The following GRID2 variants were observed in gnomAD, a reference collection of about 807,000 sequenced individuals.
GRID2 encodes glutamate ionotropic receptor delta type subunit 2.
In GRID2, 33 loss-of-function variants were observed where a neutral mutation model predicts 114.8. The observed-to-expected ratio is 0.29, with a 90% CI of 0.22 to 0.38. The LOEUF (loss-of-function observed/expected upper bound fraction) is 0.38. Among genes scored for constraint, GRID2 ranks in the 10% least tolerant of loss-of-function variants. The pLI, the probability that GRID2 is intolerant of heterozygous loss-of-function variation, is 1.00. For missense variants in GRID2, 1,184 were observed against 1,257.7 expected (o/e 0.94, Z 0.89); for synonymous variants, 505 against 449.9 (o/e 1.12, Z -1.55).
intron 14 of GRID2, among the ~76,000 whole-genome samples, chr4:93,690,808 A>G (rs971944968): frequency 2.6e-5 from 4 of 151,380 alleles, no homozygotes; most frequent in African/African-American, 9.7e-5. Context: ...TAATCATTCC[A>G]ATATAATGAA....
intron 2 of GRID2, among the ~76,000 whole-genome samples, chr4:92,893,174 T>C (rs180757320): frequency 6.6e-6 from 1 of 152,304 alleles, no homozygotes; most frequent in African/African-American, 2.4e-5. Context: ...ATTTTTTTTC[T>C]GAGTATAGTG....
intron 11 of GRID2, among the ~76,000 whole-genome samples, chr4:93,481,029 A>T (rs1161881149): frequency 6.6e-6 from 1 of 152,098 alleles, no homozygotes; most frequent in Non-Finnish European, 1.5e-5. Flanking sequence ...AAGTCAGCAC[A>T]TTAAATCCCA....
intron 14 of GRID2, among the ~76,000 whole-genome samples, chr4:93,744,283 A>G (rs545600552): frequency 6.6e-6 from 1 of 152,338 alleles, no homozygotes; most frequent in South Asian, 2.1e-4. Context: ...TATTTAAGAA[A>G]TACATTTTGG....
chr4:93,098,989 C>CTGTG (rs71579585), intron 3 of GRID2, among the ~76,000 whole-genome samples: 4,942 of 138,906 alleles, frequency 0.036, 197 homozygotes, highest in African/African-American at 0.095. Context: ...AGATCATTTC[C>CTGTG]TGTGTGTGTG....
chr4:92,430,015 G>A (rs557013372), intron 1 of GRID2, among the ~76,000 whole-genome samples: 1 of 152,132 alleles, frequency 6.6e-6, no homozygotes, highest in Admixed American at 6.5e-5. Flanking sequence ...TCTCTTGTCA[G>A]ATTGATAGTT....
intron 2 of GRID2, among the ~76,000 whole-genome samples, chr4:92,981,629 A>T (rs373284750): frequency 6.6e-6 from 1 of 151,942 alleles, no homozygotes; most frequent in Non-Finnish European, 1.5e-5. Flanking sequence ...AACAAATCAC[A>T]TACAGTGAGT....
intron 12 of GRID2, among the ~76,000 whole-genome samples, chr4:93,494,144 T>C (rs113797549): frequency 6.6e-6 from 1 of 151,826 alleles, no homozygotes; most frequent in East Asian, 1.9e-4. Flanking sequence ...AAAGACAAAC[T>C]TTTTTTCAAA....
At chr4:92,748,866 G>T (rs1456145812) in intron 2 of GRID2, among the ~76,000 whole-genome samples, 1 of 151,806 alleles carries the variant, frequency 6.6e-6, no homozygotes, top group East Asian at 1.9e-4. Flanking sequence ...GTTTTGCCAT[G>T]TTGGCCAGGC....
intron 14 of GRID2, among the ~76,000 whole-genome samples, chr4:93,636,948 TA>T (rs1465943394): frequency 6.6e-6 from 1 of 152,128 alleles, no homozygotes; most frequent in Non-Finnish European, 1.5e-5. Flanking sequence ...TCCTTTTGTT[TA>T]AAAAAGTCAG....
chr4:92,514,309 G>A (rs1351972440), intron 1 of GRID2, among the ~76,000 whole-genome samples: 1 of 151,668 alleles, frequency 6.6e-6, no homozygotes, highest in African/African-American at 2.4e-5. Flanking sequence ...GACAGCACAA[G>A]TTACTTTATA....
chr4:93,468,591 G>T (rs1724510651), intron 11 of GRID2, among the ~76,000 whole-genome samples: 1 of 152,080 alleles, frequency 6.6e-6, no homozygotes. Context: ...GTATAGGGAA[G>T]TTCAAAATGC....
At chr4:93,732,403 A>G (rs1433212700) in intron 14 of GRID2, among the ~76,000 whole-genome samples, 4 of 152,200 alleles carry the variant, frequency 2.6e-5, no homozygotes, top group African/African-American at 9.7e-5. Flanking sequence ...CAATCAATGT[A>G]AAGTATTACA....
chr4:93,383,861 T>C (rs1457533306), intron 8 of GRID2, among the ~76,000 whole-genome samples: 2 of 152,140 alleles, frequency 1.3e-5, no homozygotes, highest in Non-Finnish European at 2.9e-5. Context: ...TTAAGATTCA[T>C]GCCACCAAAT....
At chr4:93,228,129 G>GT (rs1423188833) in intron 7 of GRID2, among the ~76,000 whole-genome samples, 1 of 152,092 alleles carries the variant, frequency 6.6e-6, no homozygotes, top group African/African-American at 2.4e-5. Flanking sequence ...ATTGGTACCA[G>GT]TTTTCTCTCT....
intron 2 of GRID2, among the ~76,000 whole-genome samples, chr4:92,716,616 G>C (rs775411913): frequency 7.9e-5 from 12 of 152,126 alleles, no homozygotes; most frequent in Non-Finnish European, 2.9e-5. Flanking sequence ...GGCTTGTTCA[G>C]CTGTCTGTGT....
intron 2 of GRID2, among the ~76,000 whole-genome samples, chr4:92,764,868 G>T (rs1738185930): frequency 6.6e-6 from 1 of 152,072 alleles, no homozygotes; most frequent in Admixed American, 6.6e-5. Flanking sequence ...GAATGTAAAG[G>T]TCTTAGTGCT....
chr4:92,990,181 A>G (rs1232029571), intron 2 of GRID2, among the ~76,000 whole-genome samples: 4 of 148,120 alleles, frequency 2.7e-5, no homozygotes, highest in Admixed American at 2.0e-4. Flanking sequence ...ATAGAGTGGC[A>G]TTCATCTTAA....
chr4:92,619,896 CT>C (rs1553908411), intron 2 of GRID2, among the ~76,000 whole-genome samples: 28 of 150,662 alleles, frequency 1.9e-4, no homozygotes, highest in South Asian at 6.3e-4. Context: ...TTACACATGC[CT>C]TTTTTTTTCC....
intron 9 of GRID2, among the ~76,000 whole-genome samples, chr4:93,413,291 G>C (rs964124991): frequency 1.3e-5 from 2 of 152,114 alleles, no homozygotes; most frequent in Non-Finnish European, 2.9e-5. Flanking sequence ...TCACCATTCT[G>C]ACTGGTGTGA....
Sources: gnomAD v4.1 joint callset for allele counts (sites outside exome capture counted in the v4.1 genomes callset) on GRCh38, gnomAD v4.1.1 for gene constraint, MANE v1.5 for transcripts, NCBI Gene and HGNC (gene_info 2026-07-23, HGNC 2026-07-21) for gene names.